NLRP13: variants seen among roughly 807,000 people sequenced by gnomAD.
NLRP13 encodes NLR family pyrin domain containing 13, also known as NACHT, LRR and PYD domains-containing protein 13.
Under a neutral mutation model 94.4 loss-of-function variants are expected in NLRP13, and 82 were observed. The observed-to-expected ratio is 0.87, with a 90% CI of 0.73 to 1.04. NLRP13 has a LOEUF of 1.04. Ranked by LOEUF, NLRP13 falls within the 50% of genes least tolerant of loss-of-function variation. The pLI, the probability that NLRP13 is intolerant of heterozygous loss-of-function variation, is 0.00. For synonymous variants in NLRP13, 553 were observed against 464.7 expected (o/e 1.19, Z -2.45); for missense variants, 1,426 against 1,230.8 (o/e 1.16, Z -2.37).
intron 4 of NLRP13, among the ~76,000 whole-genome samples, chr19:55,922,198 G>T (rs1986847058): frequency 6.6e-6 from 1 of 152,002 alleles, no homozygotes; most frequent in South Asian, 2.1e-4. Context: ...CCTCCCACCA[G>T]GTCCCTCCCA....
intron 4 of NLRP13, among the ~76,000 whole-genome samples, chr19:55,914,373 G>A (rs1044378019): frequency 3.3e-5 from 5 of 152,164 alleles, no homozygotes; most frequent in African/African-American, 7.2e-5. Context: ...ATGAGATGCC[G>A]TAATTTATAT....
chr19:55,892,830 C>T (rs1985894756), downstream of NLRP13, among the ~76,000 whole-genome samples: 1 of 152,184 alleles, frequency 6.6e-6, no homozygotes, highest in Non-Finnish European at 1.5e-5. Context: ...GCTAATAGCC[C>T]TCAGCTGCGT....
rs10530056 is a variant in NLRP13, at chr19:55,913,548, C to CAAAAAAAAA, written c.524-264_524-256dup. Reference sequence around the variant, plus strand: ...TGGGTGACAGAGTGAGACTCCGTCTCAAAAAAAAAAAAAAAAAAAAAAAGT... The same window carrying CAAAAAAAAA: ...TGGGTGACAGAGTGAGACTCCGTCTCAAAAAAAAAAAAAAAAAAAAAAAAAAAAAAAAGT... On this transcript the variant is annotated intron_variant, in intron 4 of 10. Coordinates refer to ENST00000342929, the MANE Select transcript of NLRP13 (RefSeq NM_176810.2). 1.5e-3 allele frequency among the ~76,000 whole-genome samples: 76 copies of CAAAAAAAAA among 52,066 alleles called. 4 individuals carry two copies. The highest frequency in any genetic ancestry group is 4.6e-3 in the African/African-American group (67 of 14,630). The allele number at this position is 52,066 out of a possible 152,430, so 34.2% of individuals were successfully genotyped here. A position where few individuals can be genotyped will look rare whatever the true frequency, so the allele number is the denominator to read the frequency against.
rs1987169190 is a variant in NLRP13 at position 55,932,244 on chromosome 19, G to A, written c.68C>T (p.Ala23Val). 2 of 1,613,028 alleles carry A rather than the reference G, an allele frequency of 1.2e-6. No individual in the cohort carries two copies. Among genetic ancestry groups the A allele is most frequent in the Non-Finnish European group, 8.5e-7 (1 of 1,179,704 alleles). Residue 23 changes from alanine to valine, a missense_variant, in exon 1 of 11, where the codon GCC becomes GTC. Coordinates refer to ENST00000342929, the MANE Select transcript of NLRP13 (RefSeq NM_176810.2). ...TTCCTCCAGCTGATACTGATCCAGG[G>A]CCATCAGGTAAGGCAGAAGCCCTTG... ...TNQGLLPYLMALDQYQLEEFK... is the reference protein window; with the variant it reads ...TNQGLLPYLMVLDQYQLEEFK...
In NLRP13 at chr19:55,902,155, G is replaced by A. The variant is rs373274893; in HGVS notation, c.2669C>T (p.Ala890Val). 10 of 1,614,042 alleles carry A rather than the reference G, an allele frequency of 6.2e-6. No homozygotes were observed. The East Asian group carries it at 6.7e-5, about 11-fold the overall frequency. Residue 890 changes from alanine (A) to valine (V), a missense_variant, in exon 9 of 11, where the codon GCT (alanine) becomes GTT (valine). Coordinates refer to ENST00000342929, the MANE Select transcript of NLRP13 (RefSeq NM_176810.2). The stretch of plus-strand genomic sequence containing the variant: ...TGTCAGGCTCCTGTTCTGCAGGAGA[G>A]CATCTGACAAGTGCTTGCAAGCGGG... Reference protein sequence around the residue: ...AAPACKHLSDALLQNRSLTHL... With the variant: ...AAPACKHLSDVLLQNRSLTHL...
rs1600267531 is a variant in NLRP13, at chr19:55,910,827, A to C, written c.2112-94T>G. ...ACGGGACACAGAAAGAAACCCTAACAAAATTATTATAATTTTCCTAATGTG... is the reference window on the plus strand; with the variant it reads ...ACGGGACACAGAAAGAAACCCTAACCAAATTATTATAATTTTCCTAATGTG... On this transcript the variant is annotated intron_variant, in intron 5 of 10. Coordinates refer to ENST00000342929, the MANE Select transcript of NLRP13 (RefSeq NM_176810.2). 4.7e-6 allele frequency: 5 copies of C among 1,072,122 alleles called. No individual in the cohort carries two copies. In the East Asian group the frequency reaches 1.2e-4, roughly 26 times the overall value. The allele number at this position is 1,072,122 out of a possible 1,614,324, so 66.4% of individuals were successfully genotyped here. A position where few individuals can be genotyped will look rare whatever the true frequency, so the allele number is the denominator to read the frequency against.
At chr19:55,922,849 A>G (rs1050232684) in intron 4 of NLRP13, among the ~76,000 whole-genome samples, 5 of 152,246 alleles carry the variant, frequency 3.3e-5, no homozygotes, top group Non-Finnish European at 7.3e-5. Flanking sequence ...AACCGATTGG[A>G]AAACTAAGAA....
rs1280135085 is a variant in NLRP13, at chr19:55,913,195, A to G, written c.622T>C (p.Ser208Pro). ...PKDHVYIRNT[S>P]KDEHEELQRL... Reference sequence around the variant, plus strand: ...TGCAGTTCCTCATGTTCGTCCTTTGATGTATTACGGATATATACGTGGTCT... The same window carrying G: ...TGCAGTTCCTCATGTTCGTCCTTTGGTGTATTACGGATATATACGTGGTCT... The change falls in exon 5 of 11, where the codon TCA becomes CCA. Residue 208 changes from serine (S) to proline (P), a missense_variant. Physicochemically the swap from Ser to Pro is moderately conservative, Grantham distance 74. Coordinates refer to ENST00000342929, the MANE Select transcript of NLRP13 (RefSeq NM_176810.2). 1 of 1,613,980 alleles carries G rather than the reference A, an allele frequency of 6.2e-7. No individual in the cohort carries two copies. The highest frequency in any genetic ancestry group is 8.5e-7 in the Non-Finnish European group (1 of 1,179,996).
In NLRP13 at chr19:55,923,914, C is replaced by G; in HGVS notation, c.523G>C (p.Asp175His). Reference protein sequence around the residue: ...QEEPEMLEEADHRRKYRENMK... With the variant: ...QEEPEMLEEAHHRRKYRENMK... ...TATCAACATAAAGTAGTATACACAC[C>G]TGCTTCCTCTAGCATCTCTGGTTCT... The change falls in exon 4 of 11, where the codon GAC becomes CAC. Residue 175 changes from aspartate (D) to histidine (H), a missense_variant and splice_region_variant. By Grantham distance (81) the Asp-to-His change is moderately conservative. Transcript: ENST00000342929. 6.2e-7 allele frequency: 1 copy of G among 1,612,628 alleles called. No homozygotes were observed. The highest frequency in any genetic ancestry group is 8.5e-7 in the Non-Finnish European group (1 of 1,178,652).
rs763461963 is a variant in NLRP13, at chr19:55,898,839, T to C, written c.2888A>G (p.Asp963Gly). The C allele has an allele frequency of 2.5e-6, 4 of 1,614,050 alleles. No homozygotes were observed. Among genetic ancestry groups the C allele is most frequent in the Admixed American group, 1.7e-5 (1 of 60,000 alleles). Residue 963 changes from aspartate to glycine, a missense_variant, in exon 10 of 11, where the codon GAT becomes GGT. Transcript: ENST00000342929. ...NVKILDLGENDLQDDGVKLLC... is the reference protein window; with the variant it reads ...NVKILDLGENGLQDDGVKLLC... ...TAGCTTCACTCCATCATCCTGAAGA[T>C]CATTTTCTCCCAAATCCAAGATTTT... is the stretch of plus-strand genomic sequence containing the variant.
downstream of NLRP13, chr19:55,891,940 A>C (rs1271397614): frequency 2.4e-6 from 1 of 412,904 alleles, no homozygotes. Context: ...ACAGGCCAGG[A>C]TGTCCTGGTG....
chr19:55,892,181 ATT>A (rs1985869018), downstream of NLRP13: 1 of 1,200,770 alleles, frequency 8.3e-7, no homozygotes, highest in African/African-American at 1.6e-5. Flanking sequence ...GTAATTTTTA[ATT>A]TTTAAGGTTC....
chr19:55,896,820 C>CAAAAAAAAAAAAAAA (rs3073244), intron 10 of NLRP13, among the ~76,000 whole-genome samples: 2 of 80,912 alleles, frequency 2.5e-5, no homozygotes, highest in African/African-American at 8.0e-5. Context: ...CTCCATCTCA[C>CAAAAAAAAAAAAAAA]AAAAAAAAAA....
At position 55,910,743 on chromosome 19, in the gene NLRP13, GGA is replaced by G; in HGVS notation, c.2112-12_2112-11del. 1.3e-6 allele frequency: 2 copies of G among 1,596,440 alleles called. No homozygotes were observed. Among genetic ancestry groups the G allele is most frequent in the Non-Finnish European group, 1.7e-6 (2 of 1,166,816 alleles). Reference sequence around the variant, plus strand: ...ATCAAACTTGCTTGTCCTTCATGAGGGAGAGACAGAACACGGATAAGAGCAAA... The same window carrying G: ...ATCAAACTTGCTTGTCCTTCATGAGGGAGACAGAACACGGATAAGAGCAAA... On this transcript the variant is annotated splice_polypyrimidine_tract_variant and intron_variant, in intron 5 of 10. Transcript: ENST00000342929.
At chr19:55,915,389 G>A (rs557851868) in intron 4 of NLRP13, among the ~76,000 whole-genome samples, 106 of 152,186 alleles carry the variant, frequency 7.0e-4, no homozygotes, top group Non-Finnish European at 1.4e-3. Flanking sequence ...CCTGAGGTCA[G>A]GAGTTCGAGA....
downstream of NLRP13, chr19:55,892,000 A>C: frequency 1.1e-6 from 1 of 895,316 alleles, no homozygotes; most frequent in Non-Finnish European, 1.5e-6. Context: ...AATCCGTGGG[A>C]TCACCACCAC....
intron 1 of NLRP13, among the ~76,000 whole-genome samples, chr19:55,925,414 T>TC (rs1320781688): frequency 6.6e-6 from 1 of 152,234 alleles, no homozygotes; most frequent in Non-Finnish European, 1.5e-5. Flanking sequence ...ATCTGCCTTA[T>TC]CCTCCGTTTG....
At chr19:55,909,348 C>T (rs1986440230) in intron 6 of NLRP13, among the ~76,000 whole-genome samples, 1 of 152,146 alleles carries the variant, frequency 6.6e-6, no homozygotes, top group Admixed American at 6.5e-5. Flanking sequence ...CCAGAGAGGA[C>T]CCTCCCCCTG....
chr19:55,910,195 CT>C (rs1436919149), intron 6 of NLRP13, among the ~76,000 whole-genome samples: 2 of 152,188 alleles, frequency 1.3e-5, no homozygotes, highest in South Asian at 2.1e-4. Flanking sequence ...ACACTACCTA[CT>C]TTTGCTTAAG....
Sources: gnomAD v4.1 joint callset for allele counts (sites outside exome capture counted in the v4.1 genomes callset) on GRCh38, gnomAD v4.1.1 for gene constraint, MANE v1.5 for transcripts, NCBI Gene and HGNC (gene_info 2026-07-23, HGNC 2026-07-21) for gene names.